FRAS1: variants seen among roughly 807,000 people sequenced by gnomAD.
FRAS1 encodes the protein extracellular matrix organizing protein FRAS1.
Under a neutral mutation model 435.2 loss-of-function variants are expected in FRAS1, and 290 were observed. The ratio of observed to expected loss-of-function variants is 0.67; its 90% confidence interval spans 0.61 to 0.73. The LOEUF (loss-of-function observed/expected upper bound fraction) is 0.73, where lower values mean the gene tolerates loss of function less well. FRAS1 is among the 30% of genes least tolerant of loss of function. FRAS1 has a pLI of 0.00. For missense variants in FRAS1, 4,860 were observed against 5,001.5 expected, an observed-to-expected ratio of 0.97 and a Z score of 0.85; for synonymous variants, 1,800 against 1,851.0, an observed-to-expected ratio of 0.97 and a Z score of 0.71.
intron 40 of FRAS1, 75 bp from the exon 41 acceptor site, chr4:78,441,087 C>A: frequency 6.6e-7 from 1 of 1,512,182 alleles, no homozygotes; most frequent in Admixed American, 1.8e-5. Context: ...CCAGGCAGCA[C>A]TTTGCAATCC....
intron 68 of FRAS1, among the ~76,000 whole-genome samples, chr4:78,522,411 T>C (rs1212620148): frequency 6.6e-6 from 1 of 152,156 alleles, no homozygotes; most frequent in African/African-American, 2.4e-5. Context: ...AATATTCCTA[T>C]TGTTTATAAA....
chr4:78,091,620 T>G (rs1741527914), intron 2 of FRAS1, among the ~76,000 whole-genome samples: 1 of 44,240 alleles, frequency 2.3e-5, no homozygotes, highest in African/African-American at 5.6e-5. Context: ...TACACACGTG[T>G]GTTTGTGTGT....
rs1743231608 is a variant in FRAS1 at position 78,116,939 on chromosome 4, AATTTGGC to A, written c.108+50926_108+50932del. On this transcript the variant is annotated intron_variant, in intron 2 of 73. Transcript: ENST00000512123. The stretch of plus-strand genomic sequence containing the variant: ...TCTTCCTAGCCTTGATGATCTTTAC[AATTTGGC>A]ATGTTTTTGCAGTGGGTCTTACCAG... 2.0e-5 allele frequency among the ~76,000 whole-genome samples: 3 copies of A among 152,078 alleles called. No homozygotes were observed. The South Asian group carries it at 6.2e-4, about 32-fold the overall frequency.
At chr4:78,454,508 G>C (rs1253062199) in intron 47 of FRAS1, among the ~76,000 whole-genome samples, 1 of 152,202 alleles carries the variant, frequency 6.6e-6, no homozygotes, top group Non-Finnish European at 1.5e-5. Context: ...TTGTCCGTAA[G>C]TTCCTGGGAT....
chr4:78,514,062 G>A (rs1180904079), intron 65 of FRAS1, among the ~76,000 whole-genome samples: 1 of 152,240 alleles, frequency 6.6e-6, no homozygotes, highest in East Asian at 1.9e-4. Context: ...ATCTGTGAAA[G>A]AGAAGGAGCG....
intron 1 of FRAS1, among the ~76,000 whole-genome samples, chr4:78,062,084 A>G (rs1739784666): frequency 6.6e-6 from 1 of 152,144 alleles, no homozygotes; most frequent in African/African-American, 2.4e-5. Flanking sequence ...ATCCTTTAGT[A>G]AGGACCCAGC....
chr4:78,475,628 G>A lies in FRAS1; in HGVS notation c.7851+22G>A, dbSNP rs1299363593. On this transcript the variant is annotated intron_variant, in intron 54 of 73. Transcript: ENST00000512123. ...CCAGGTAGGTGGGGTAGTGGGGTTG[G>A]GGGAGGCTCCAGCAAGGGCTGTGAC... The A allele has an allele frequency of 3.9e-6, 6 of 1,519,084 alleles. No individual in the cohort carries two copies. The African/African-American group carries it at 6.9e-5, about 17-fold the overall frequency. 94.1% of individuals were successfully genotyped at this position (1,519,084 alleles called of 1,614,324 possible).
At chr4:78,274,489 T>C (rs1453022432) in intron 9 of FRAS1, among the ~76,000 whole-genome samples, 1 of 152,206 alleles carries the variant, frequency 6.6e-6, no homozygotes, top group African/African-American at 2.4e-5. Flanking sequence ...GCTTTACATG[T>C]GTCCCAGAGA....
chr4:78,437,435 G>C (rs1734472846), intron 38 of FRAS1, among the ~76,000 whole-genome samples: 1 of 152,190 alleles, frequency 6.6e-6, no homozygotes, highest in Non-Finnish European at 1.5e-5. Flanking sequence ...CATAAATTTA[G>C]GGAAAACTTT....
At chr4:78,272,882 G>T (rs1726784281) in intron 9 of FRAS1, among the ~76,000 whole-genome samples, 1 of 152,108 alleles carries the variant, frequency 6.6e-6, no homozygotes, top group African/African-American at 2.4e-5. Flanking sequence ...GGCTGGCATT[G>T]AATCTATAAA....
At chr4:78,075,200 A>G (rs1048979028) in intron 2 of FRAS1, among the ~76,000 whole-genome samples, 3 of 152,208 alleles carry the variant, frequency 2.0e-5, no homozygotes, top group African/African-American at 7.2e-5. Flanking sequence ...TTCTCCATTA[A>G]TAGAAGATTT....
chr4:78,524,683 T>C (rs1361185121), intron 69 of FRAS1, among the ~76,000 whole-genome samples: 2 of 152,174 alleles, frequency 1.3e-5, no homozygotes, highest in African/African-American at 2.4e-5. Flanking sequence ...TATGGAATGT[T>C]TACTGTTTGT....
chr4:78,539,677 C>T (rs1721989592), intron 73 of FRAS1, among the ~76,000 whole-genome samples: 1 of 152,160 alleles, frequency 6.6e-6, no homozygotes, highest in Admixed American at 6.5e-5. Flanking sequence ...TGTCATTGTG[C>T]ACATCATGGC....
chr4:78,218,098 T>TCTCTCTCTCACA (rs368430185), intron 2 of FRAS1, among the ~76,000 whole-genome samples: 11 of 39,738 alleles, frequency 2.8e-4, no homozygotes, highest in South Asian at 1.4e-3. Flanking sequence ...TCACTCTCTC[T>TCTCTCTCTCACA]CACACACACA....
At chr4:78,218,965 C>T (rs1269217223) in intron 2 of FRAS1, among the ~76,000 whole-genome samples, 1 of 152,170 alleles carries the variant, frequency 6.6e-6, no homozygotes. Flanking sequence ...AGACACATTT[C>T]TTTCTATTCT....
At chr4:78,173,525 C>T (rs1262718778) in intron 2 of FRAS1, among the ~76,000 whole-genome samples, 1 of 152,200 alleles carries the variant, frequency 6.6e-6, no homozygotes, top group Non-Finnish European at 1.5e-5. Context: ...CTGGGAAGCT[C>T]CCCCATTCCC....
At chr4:78,314,089 G>C (rs556388809) in intron 15 of FRAS1, among the ~76,000 whole-genome samples, 1 of 151,366 alleles carries the variant, frequency 6.6e-6, no homozygotes, top group African/African-American at 2.4e-5. Flanking sequence ...ACCTGTACTA[G>C]TTTTTTTTTC....
Position 78,505,719 on chromosome 4 carries a change from G to A in FRAS1, c.9317-1702G>A, listed in dbSNP as rs190373125. Reference sequence around the variant, plus strand: ...AGTTTGTTATTACCGACCTTCTGAAGCCTACTTCTGTCAACTCGCCAAAGT... The same window carrying A: ...AGTTTGTTATTACCGACCTTCTGAAACCTACTTCTGTCAACTCGCCAAAGT... On this transcript the variant is annotated intron_variant, in intron 61 of 73. Coordinates refer to ENST00000512123, the MANE Select transcript of FRAS1 (RefSeq NM_025074.7). 8.6e-4 allele frequency among the ~76,000 whole-genome samples: 131 copies of A among 151,484 alleles called. 1 individual carries two copies. In the Middle Eastern group the frequency reaches 0.024, roughly 28 times the overall value.
At chr4:78,316,900 C>G (rs1729279860) in intron 16 of FRAS1, among the ~76,000 whole-genome samples, 1 of 152,130 alleles carries the variant, frequency 6.6e-6, no homozygotes, top group Admixed American at 6.5e-5. Context: ...GCCAGTGCTT[C>G]CAACACTCTG....
Sources: gnomAD v4.1 joint callset for allele counts (sites outside exome capture counted in the v4.1 genomes callset) on GRCh38, gnomAD v4.1.1 for gene constraint, MANE v1.5 for transcripts, NCBI Gene and HGNC (gene_info 2026-07-23, HGNC 2026-07-21) for gene names.